Variants in LRPPRC observed in about 807,000 individuals in gnomAD.
LRPPRC encodes the protein leucine rich pentatricopeptide repeat containing.
LRPPRC carries 120 observed loss-of-function variants against 180.3 expected under a neutral mutation model. The ratio of observed to expected loss-of-function variants is 0.67; its 90% CI spans 0.57 to 0.77. The LOEUF (loss-of-function observed/expected upper bound fraction) is 0.77, where lower values mean the gene tolerates loss of function less well. Among genes scored for constraint, LRPPRC ranks in the 30% least tolerant of loss-of-function variants. LRPPRC has a pLI of 0.00. For synonymous variants in LRPPRC, 723 were observed against 600.0 expected (o/e 1.21, Z -3.00); for missense variants, 2,012 against 1,657.2 (o/e 1.21, Z -3.72).
chr2:43,934,374 A>G (rs1433796148), intron 24 of LRPPRC, 78 bp from the exon 25 acceptor site: 1 of 690,804 alleles, frequency 1.4e-6, no homozygotes, highest in Admixed American at 2.8e-5. Context: ...AGTTCCAGAC[A>G]AATACAAGAA....
At chr2:43,969,658 A>G (rs1228577912) in intron 11 of LRPPRC, among the ~76,000 whole-genome samples, 4 of 152,060 alleles carry the variant, frequency 2.6e-5, no homozygotes, top group African/African-American at 9.7e-5. Context: ...CAGAATCCTA[A>G]AACTACTAAA....
At chr2:43,982,142 A>C in intron 2 of LRPPRC, 96 bp downstream of exon 2, 2 of 802,578 alleles carry the variant, frequency 2.5e-6, no homozygotes, top group Non-Finnish European at 3.9e-6. Context: ...ACTTGGCCTC[A>C]AGCGATCTAC....
In LRPPRC at chr2:43,916,949, GGAAAAAA is replaced by G. The variant is rs1349232541; in HGVS notation, c.3148+1069_3148+1075del. Reference sequence around the variant, plus strand: ...GACAGAGTGAGACCTGTCTCCGGGGGGAAAAAAAAAAAAAAAAAAAGAATAGTATAAT... The same window carrying G: ...GACAGAGTGAGACCTGTCTCCGGGGGAAAAAAAAAAAAAGAATAGTATAAT... On this transcript the variant is annotated intron_variant, in intron 29 of 37. Coordinates refer to ENST00000260665, the MANE Select transcript of LRPPRC (RefSeq NM_133259.4). Among the ~76,000 whole-genome samples the G allele has an allele frequency of 6.5e-4, 75 of 115,802 alleles. 1 individual carries two copies. Among genetic ancestry groups the G allele is most frequent in the African/African-American group, 2.5e-3 (70 of 27,888 alleles). The allele number at this position is 115,802 out of a possible 152,430, so 76.0% of individuals were successfully genotyped here. A position where few individuals can be genotyped will look rare whatever the true frequency, so the allele number is the denominator to read the frequency against.
Position 43,894,550 on chromosome 2 carries a change from C to T in LRPPRC, c.3980G>A (p.Ser1327Asn). Residue 1327 changes from serine to asparagine, a missense_variant, in exon 36 of 38, where the codon AGC becomes AAC. Coordinates refer to ENST00000260665, the MANE Select transcript of LRPPRC (RefSeq NM_133259.4). ...KEEAYNSLMK[S>N]YVSEKDVTSA... is the part of the protein sequence containing the mutation. Reference sequence around the variant, plus strand: ...TCAAATTAAACTTATATTACCATAGCTTTTCATGAGGGAATTGTATGCTTC... The same window carrying T: ...TCAAATTAAACTTATATTACCATAGTTTTTCATGAGGGAATTGTATGCTTC... The T allele has an allele frequency of 4.1e-6, 6 of 1,457,704 alleles. No homozygotes were observed. The highest frequency in any genetic ancestry group is 2.3e-5 in the South Asian group (2 of 87,428). The allele number at this position is 1,457,704 out of a possible 1,614,324, so 90.3% of individuals were successfully genotyped here. A position where few individuals can be genotyped will look rare whatever the true frequency, so the allele number is the denominator to read the frequency against.
rs932033215 is a variant in LRPPRC, at chr2:43,886,556, C to G, written c.*2044G>C. 6.6e-6 allele frequency: 1 copy of G among 152,170 alleles called. No homozygotes were observed. The highest frequency in any genetic ancestry group is 6.5e-5 in the Admixed American group (1 of 15,280). The allele number at this position is 152,170 out of a possible 1,614,324, so 9.4% of individuals were successfully genotyped here. On this transcript the variant is annotated 3_prime_UTR_variant, in exon 38 of 38. Coordinates refer to ENST00000260665, the MANE Select transcript of LRPPRC (RefSeq NM_133259.4). Reference sequence around the variant, plus strand: ...AACAGCTAGTCCTTTGTAACACCCCCCCGCTGCTGCCGAGAGGGCTAGATA... The same window carrying G: ...AACAGCTAGTCCTTTGTAACACCCCGCCGCTGCTGCCGAGAGGGCTAGATA...
intron 1 of LRPPRC, among the ~76,000 whole-genome samples, chr2:43,986,192 G>A (rs1231668327): frequency 4.6e-5 from 7 of 151,982 alleles, no homozygotes; most frequent in Admixed American, 2.0e-4. Context: ...GTACAATGGC[G>A]CGACCTCAGG....
intron 14 of LRPPRC, among the ~76,000 whole-genome samples, chr2:43,956,945 T>C (rs954299521): frequency 6.6e-6 from 1 of 152,220 alleles, no homozygotes; most frequent in African/African-American, 2.4e-5. Context: ...TTTACTATTC[T>C]TTCAGCTTTT....
chr2:43,934,657 G>A, intron 24 of LRPPRC, 97 bp downstream of exon 24: 3 of 1,017,684 alleles, frequency 2.9e-6, no homozygotes, highest in Non-Finnish European at 4.5e-6. Context: ...TTATCTGAAT[G>A]TGCTGGCCTT....
chr2:43,902,633 A>G (rs1483171117), intron 31 of LRPPRC: 1 of 152,150 alleles, frequency 6.6e-6, no homozygotes, highest in Non-Finnish European at 1.5e-5. Context: ...AAAAAGAAAA[A>G]CAGGTTAAAA....
chr2:43,963,521 A>G (rs947838044), intron 12 of LRPPRC, 67 bp downstream of exon 12: 3 of 976,894 alleles, frequency 3.1e-6, no homozygotes, highest in African/African-American at 3.2e-5. Flanking sequence ...TTTGTGTGTC[A>G]ACACTAAACA....
At chr2:43,906,535 G>A (rs1361255053) in intron 30 of LRPPRC, among the ~76,000 whole-genome samples, 1 of 152,172 alleles carries the variant, frequency 6.6e-6, no homozygotes, top group African/African-American at 2.4e-5. Context: ...TACACTGTTT[G>A]CGCATCTCCT....
chr2:43,947,898 A>G, intron 18 of LRPPRC, 123 bp from the exon 19 acceptor site: 1 of 726,050 alleles, frequency 1.4e-6, no homozygotes, highest in South Asian at 1.5e-5. Context: ...CCAAAATTTT[A>G]GACATTCTCT....
intron 31 of LRPPRC, chr2:43,904,292 C>T (rs946309989): frequency 1.3e-5 from 2 of 152,106 alleles, no homozygotes; most frequent in African/African-American, 2.4e-5. Flanking sequence ...ATATTCAGTA[C>T]TAATCAATTA....
chr2:43,944,285 T>C (rs1019072999), intron 22 of LRPPRC, among the ~76,000 whole-genome samples: 16 of 152,072 alleles, frequency 1.1e-4, no homozygotes, highest in Non-Finnish European at 2.1e-4. Flanking sequence ...GTGTTTACAC[T>C]GTATATACAG....
At position 43,959,107 on chromosome 2, in the gene LRPPRC, C is replaced by A. The variant is rs562326270; in HGVS notation, c.1582+1434G>T. On this transcript the variant is annotated intron_variant, in intron 13 of 37. Coordinates refer to ENST00000260665, the MANE Select transcript of LRPPRC (RefSeq NM_133259.4). ...GCCTGAAAAATCAAGAGGTTGACAA[C>A]GAAGTGGAATGGATGATATGATAAA... is the stretch of plus-strand genomic sequence containing the variant. 4.4e-4 allele frequency: 288 copies of A among 653,824 alleles called. 5 individuals carry two copies. The South Asian group carries it at 4.8e-3, about 11-fold the overall frequency. The allele number at this position is 653,824 out of a possible 1,614,324, so 40.5% of individuals were successfully genotyped here.
chr2:43,989,033 GC>G lies in LRPPRC; in HGVS notation c.150-6600del, dbSNP rs1164706838. ...AGGACTACAGGTGCATGCCACCACA[GC>G]TGGCTAATTTCTTTTTTTCTAGAGA... On this transcript the variant is annotated intron_variant, in intron 1 of 37. Coordinates refer to ENST00000260665, the MANE Select transcript of LRPPRC (RefSeq NM_133259.4). Among the ~76,000 whole-genome samples, 77 of 152,084 alleles carry G rather than the reference GC, an allele frequency of 5.1e-4. 1 individual carries two copies. Among genetic ancestry groups the G allele is most frequent in the African/African-American group, 1.8e-3 (75 of 41,466 alleles).
chr2:43,983,115 ATTAATT>A (rs1289145894), intron 1 of LRPPRC, among the ~76,000 whole-genome samples: 1 of 152,184 alleles, frequency 6.6e-6, no homozygotes, highest in Non-Finnish European at 1.5e-5. Context: ...GTTAAACATC[ATTAATT>A]TTAAGGAAGC....
At chr2:43,942,086 C>G (rs1672502810) in intron 23 of LRPPRC, among the ~76,000 whole-genome samples, 1 of 151,976 alleles carries the variant, frequency 6.6e-6, no homozygotes, top group Non-Finnish European at 1.5e-5. Context: ...TCCATTTTCC[C>G]ATGGGTAAGC....
intron 14 of LRPPRC, among the ~76,000 whole-genome samples, chr2:43,956,085 A>C (rs1464097900): frequency 1.3e-5 from 2 of 151,884 alleles, no homozygotes; most frequent in East Asian, 1.9e-4. Context: ...AAAAAAAAAA[A>C]CAGAAAAATA....
Sources: allele counts gnomAD v4.1 joint callset (sites outside exome capture counted in the v4.1 genomes callset), GRCh38; gene constraint gnomAD v4.1.1; transcripts MANE v1.5; gene names NCBI Gene and HGNC (gene_info 2026-07-23, HGNC 2026-07-21).